WWOX: variants seen among roughly 807,000 people sequenced by gnomAD.
The protein encoded by WWOX is WW domain-containing oxidoreductase.
WWOX carries 69 observed loss-of-function variants against 46.2 expected under a neutral mutation model. The ratio of observed to expected loss-of-function variants is 1.49; its 90% confidence interval spans 1.23 to 1.82. The LOEUF (loss-of-function observed/expected upper bound fraction) is 1.82, where lower values mean the gene tolerates loss of function less well. WWOX is among the 40% of genes most tolerant of loss of function. The pLI, the probability that WWOX is intolerant of heterozygous loss-of-function variation, is 0.00. For missense variants in WWOX, 919 were observed against 542.6 expected, an observed-to-expected ratio of 1.69 and a Z score of -6.89; for synonymous variants, 359 against 202.6, an observed-to-expected ratio of 1.77 and a Z score of -6.56.
chr16:78,246,639 C>T (rs539833762), intron 5 of WWOX, among the ~76,000 whole-genome samples: 71 of 152,282 alleles, frequency 4.7e-4, no homozygotes, highest in Middle Eastern at 3.4e-3. Flanking sequence ...AATAGCAAAA[C>T]GTCTTCTGTG....
At chr16:78,875,997 T>A (rs757110675) in intron 8 of WWOX, among the ~76,000 whole-genome samples, 1 of 152,308 alleles carries the variant, frequency 6.6e-6, no homozygotes, top group South Asian at 2.1e-4. Context: ...ATACCCACTT[T>A]AGGTCTCCCA....
At position 78,887,847 on chromosome 16, in the gene WWOX, C is replaced by T. The variant is rs1332055389; in HGVS notation, c.1057-323761C>T. On this transcript the variant is annotated intron_variant, in intron 8 of 8. Transcript: ENST00000566780. ...GGACTCTGTCTCTTTAAGTGTTTAA[C>T]AGTAATTGGTTCATGTCCTGGTGTT... Among the ~76,000 whole-genome samples, 3 of 152,266 alleles carry T rather than the reference C, an allele frequency of 2.0e-5. No homozygotes were observed. The South Asian group carries it at 6.2e-4, about 32-fold the overall frequency.
chr16:78,265,693 AC>A, intron 5 of WWOX, among the ~76,000 whole-genome samples: 3 of 149,652 alleles, frequency 2.0e-5, no homozygotes, highest in South Asian at 4.2e-4. Context: ...AAAAAAAAAA[AC>A]AACAAAAAAC....
intron 5 of WWOX, among the ~76,000 whole-genome samples, chr16:78,215,623 C>A (rs1431074883): frequency 1.3e-5 from 2 of 152,158 alleles, no homozygotes; most frequent in Non-Finnish European, 2.9e-5. Context: ...ATCTTCATAG[C>A]AGTGCAAAAA....
chr16:78,724,870 A>G (rs1055114211), intron 8 of WWOX, among the ~76,000 whole-genome samples: 8 of 152,112 alleles, frequency 5.3e-5, no homozygotes, highest in South Asian at 4.1e-4. Flanking sequence ...CTCAAGGGCA[A>G]TTGTGTTGCT....
chr16:78,441,857 G>A (rs2083451626), intron 8 of WWOX, among the ~76,000 whole-genome samples: 1 of 151,868 alleles, frequency 6.6e-6, no homozygotes, highest in South Asian at 2.1e-4. Flanking sequence ...TCAGCATTCA[G>A]AATATACTAG....
chr16:79,094,425 TA>T (rs1181633161), intron 8 of WWOX, among the ~76,000 whole-genome samples: 2 of 152,138 alleles, frequency 1.3e-5, no homozygotes, highest in African/African-American at 4.8e-5. Flanking sequence ...AATTTTTTTG[TA>T]TTTTTAGTGG....
At chr16:78,424,808 G>A in intron 6 of WWOX, 62 bp from the exon 7 acceptor site, 4 of 1,587,012 alleles carry the variant, frequency 2.5e-6, no homozygotes, top group Non-Finnish European at 3.5e-6. Context: ...TCCCGAAGGA[G>A]CATGGATTAT....
At chr16:78,481,854 T>C (rs1289957180) in intron 8 of WWOX, among the ~76,000 whole-genome samples, 2 of 151,004 alleles carry the variant, frequency 1.3e-5, no homozygotes, top group African/African-American at 4.8e-5. Flanking sequence ...ACCTTTTCTA[T>C]TAATCTTCTT....
Position 79,212,372 on chromosome 16 carries a change from C to G in WWOX, c.*576C>G. 1.9e-6 allele frequency: 1 copy of G among 526,330 alleles called. No individual in the cohort carries two copies. The highest frequency in any genetic ancestry group is 3.3e-6 in the Non-Finnish European group (1 of 306,166). 32.6% of individuals were successfully genotyped at this position (526,330 alleles called of 1,614,324 possible). ...AGTGACACCCAGAGGGAGTAGAATA[C>G]GCAGAACTACCAGGTGGCAAAGTAC... On this transcript the variant is annotated 3_prime_UTR_variant, in exon 9 of 9. Transcript: ENST00000566780.
Position 78,546,606 on chromosome 16 carries a change from A to C in WWOX, c.1056+113854A>C, listed in dbSNP as rs1047070198. On this transcript the variant is annotated intron_variant, in intron 8 of 8. Transcript: ENST00000566780. ...CTGGATACCTGAGACTCAGCTAGGA[A>C]CTTATTTTTAAAATATAAATTCCTA... is the stretch of plus-strand genomic sequence containing the variant. Among the ~76,000 whole-genome samples, 63 of 152,218 alleles carry C rather than the reference A, an allele frequency of 4.1e-4. 1 individual carries two copies. Among genetic ancestry groups the C allele is most frequent in the African/African-American group, 1.4e-3 (59 of 41,462 alleles).
intron 8 of WWOX, among the ~76,000 whole-genome samples, chr16:78,706,208 C>G (rs767632845): frequency 1.3e-5 from 2 of 152,010 alleles, no homozygotes; most frequent in Non-Finnish European, 2.9e-5. Context: ...AAACAGTTTT[C>G]GTGCATATGT....
At chr16:78,472,395 C>G (rs1298315166) in intron 8 of WWOX, among the ~76,000 whole-genome samples, 5 of 152,084 alleles carry the variant, frequency 3.3e-5, no homozygotes, top group Non-Finnish European at 7.4e-5. Flanking sequence ...TTCATTGTTT[C>G]TAAAGGAAGA....
At chr16:78,699,753 C>T (rs2048173439) in intron 8 of WWOX, among the ~76,000 whole-genome samples, 2 of 152,122 alleles carry the variant, frequency 1.3e-5, no homozygotes, top group Non-Finnish European at 2.9e-5. Context: ...TTTTCAGGCT[C>T]TTCTAATGAT....
intron 5 of WWOX, among the ~76,000 whole-genome samples, chr16:78,215,644 C>T (rs2036694586): frequency 1.3e-5 from 2 of 152,048 alleles, no homozygotes; most frequent in African/African-American, 4.8e-5. Flanking sequence ...CGGACTAATA[C>T]AGGTTGGGCA....
chr16:78,454,060 GTATT>G (rs1184815109), intron 8 of WWOX, among the ~76,000 whole-genome samples: 5 of 152,164 alleles, frequency 3.3e-5, no homozygotes, highest in Middle Eastern at 3.4e-3. Context: ...TGAAAAATCA[GTATT>G]TATTTATTAA....
chr16:78,414,385 G>A (rs879462635), intron 6 of WWOX, among the ~76,000 whole-genome samples: 11 of 151,994 alleles, frequency 7.2e-5, no homozygotes, highest in African/African-American at 9.7e-5. Context: ...CCTGGCCAAC[G>A]TGGTGAAACC....
intron 8 of WWOX, among the ~76,000 whole-genome samples, chr16:78,967,855 C>G (rs993090847): frequency 6.6e-5 from 10 of 152,174 alleles, no homozygotes; most frequent in Non-Finnish European, 1.2e-4. Context: ...CATAAATCAA[C>G]TCTGTTGCAG....
chr16:78,100,056 C>A, intron 1 of WWOX, 171 bp downstream of exon 1: 1 of 1,408,476 alleles, frequency 7.1e-7, no homozygotes, highest in South Asian at 1.6e-5. Flanking sequence ...GGGGCCGGCC[C>A]CCTTGGTGGG....
Sources: gnomAD v4.1 joint callset for allele counts (sites outside exome capture counted in the v4.1 genomes callset) on GRCh38, gnomAD v4.1.1 for gene constraint, MANE v1.5 for transcripts, NCBI Gene and HGNC (gene_info 2026-07-23, HGNC 2026-07-21) for gene names.